Variants in PCCA observed in about 807,000 individuals in gnomAD.
PCCA encodes propionyl-CoA carboxylase alpha chain, mitochondrial.
In PCCA, 74 loss-of-function variants were observed where a neutral mutation model predicts 101.3. The ratio of observed to expected loss-of-function variants is 0.73; its 90% confidence interval spans 0.61 to 0.89. The LOEUF (loss-of-function observed/expected upper bound fraction) is 0.89. Ranked by LOEUF, PCCA falls within the 40% of genes least tolerant of loss-of-function variation. PCCA has a pLI of 0.00. For missense variants in PCCA, 891 were observed against 907.0 expected, an observed-to-expected ratio of 0.98 and a Z score of 0.23; for synonymous variants, 294 against 313.6, an observed-to-expected ratio of 0.94 and a Z score of 0.66.
At chr13:100,507,731 C>A (rs1163267797) in intron 21 of PCCA, among the ~76,000 whole-genome samples, 2 of 152,010 alleles carry the variant, frequency 1.3e-5, no homozygotes, top group East Asian at 3.9e-4. Context: ...ATCTCGGCTC[C>A]CTGCAACCTC....
chr13:100,406,357 T>C (rs1170007829), intron 19 of PCCA, among the ~76,000 whole-genome samples: 3 of 152,192 alleles, frequency 2.0e-5, no homozygotes, highest in African/African-American at 7.2e-5. Flanking sequence ...ACAAACATGC[T>C]CCAAACCTTC....
At chr13:100,479,799 TA>T (rs1396342369) in intron 21 of PCCA, 1 of 137,748 alleles carries the variant, frequency 7.3e-6, no homozygotes, top group Admixed American at 6.9e-5. Context: ...GGAAATGGCC[TA>T]CTCTAAGTCC....
chr13:100,484,598 C>A (rs1249896704), intron 21 of PCCA, among the ~76,000 whole-genome samples: 2 of 152,072 alleles, frequency 1.3e-5, no homozygotes, highest in Non-Finnish European at 2.9e-5. Flanking sequence ...TCTTTTTTCC[C>A]CCCTGTAGAT....
In PCCA at chr13:100,530,321, A is replaced by G. The variant is rs2088314188; in HGVS notation, c.*155A>G. The stretch of plus-strand genomic sequence containing the variant: ...AGAGTCAAGACCAATATTCTGCCAA[A>G]AAATCACCAATGGAAATTTTCATTG... On this transcript the variant is annotated 3_prime_UTR_variant, in exon 24 of 24. Coordinates refer to ENST00000376285, the MANE Select transcript of PCCA (RefSeq NM_000282.4). The G allele has an allele frequency of 2.9e-6, 2 of 694,208 alleles. No individual in the cohort carries two copies. The highest frequency in any genetic ancestry group is 2.6e-6 in the Non-Finnish European group (1 of 380,974). 43.0% of individuals were successfully genotyped at this position (694,208 alleles called of 1,614,324 possible).
intron 19 of PCCA, among the ~76,000 whole-genome samples, chr13:100,391,023 C>CTT (rs796230963): frequency 2.1e-5 from 3 of 144,616 alleles, no homozygotes; most frequent in African/African-American, 5.0e-5. Flanking sequence ...GGCCTCTGTG[C>CTT]TTTTTTTTTT....
chr13:100,113,071 A>T (rs1739427439), intron 4 of PCCA, among the ~76,000 whole-genome samples: 1 of 152,176 alleles, frequency 6.6e-6, no homozygotes, highest in Non-Finnish European at 1.5e-5. Context: ...AATGACAGGG[A>T]TATGTTCTGA....
intron 19 of PCCA, among the ~76,000 whole-genome samples, chr13:100,418,753 G>A (rs1363478552): frequency 3.3e-5 from 5 of 151,670 alleles, no homozygotes; most frequent in Non-Finnish European, 5.9e-5. Context: ...AGAATCATTG[G>A]AACCCAGGCA....
intron 6 of PCCA, among the ~76,000 whole-genome samples, chr13:100,206,892 C>T (rs4772272): frequency 0.32 from 48,375 of 151,974 alleles, 8,551 homozygotes; most frequent in East Asian, 0.71. Flanking sequence ...GAGAAAAGGA[C>T]GCAGAGTAAT....
chr13:100,232,351 CGTGTGTGTGTGTGTGT>C (rs375554722), intron 7 of PCCA, among the ~76,000 whole-genome samples: 5 of 131,178 alleles, frequency 3.8e-5, no homozygotes, highest in African/African-American at 1.4e-4. Context: ...TGTGTGTATG[CGTGTGTGTGTGTGTGT>C]GTGTGTGTGT....
chr13:100,232,048 A>G lies in PCCA; in HGVS notation c.601-3794A>G, dbSNP rs529967866. Among the ~76,000 whole-genome samples the G allele has an allele frequency of 7.2e-5, 11 of 152,158 alleles. No homozygotes were observed. The South Asian group carries it at 2.1e-3, about 29-fold the overall frequency. On this transcript the variant is annotated intron_variant, in intron 7 of 23. Coordinates refer to ENST00000376285, the MANE Select transcript of PCCA (RefSeq NM_000282.4). ...ATTTTGCTTATTTTTACAGTGTAAG[A>G]GTTACTCTCTTAAAGCTTAATTGTC...
intron 8 of PCCA, among the ~76,000 whole-genome samples, chr13:100,252,415 T>C (rs943845350): frequency 1.3e-5 from 2 of 152,222 alleles, no homozygotes; most frequent in Non-Finnish European, 2.9e-5. Context: ...AGAAATACTT[T>C]TCTTTTCCCT....
At chr13:100,110,534 T>G (rs1316995330) in intron 2 of PCCA, among the ~76,000 whole-genome samples, 1 of 152,212 alleles carries the variant, frequency 6.6e-6, no homozygotes, top group African/African-American at 2.4e-5. Context: ...CTCTACTGTT[T>G]GGTCTCAGCT....
Position 100,515,407 on chromosome 13 carries a change from G to A in PCCA, c.1900-20G>A. On this transcript the variant is annotated intron_variant, in intron 21 of 23. Coordinates refer to ENST00000376285, the MANE Select transcript of PCCA (RefSeq NM_000282.4). ...TTTCATTTAAACTCATTTATGGTTT[G>A]GTTTTGTTTTTCCCTTAAGTACAAG... is the stretch of plus-strand genomic sequence containing the variant. 1 of 1,610,782 alleles carries A rather than the reference G, an allele frequency of 6.2e-7. No homozygotes were observed. The highest frequency in any genetic ancestry group is 8.5e-7 in the Non-Finnish European group (1 of 1,177,032).
Position 100,166,991 on chromosome 13 carries a change from T to C in PCCA, c.468+9651T>C, listed in dbSNP as rs183782008. ...TGTCTGATGATTAATAATGTTGAGC[T>C]CATTTGCTTTATATCTTTGTCGATG... On this transcript the variant is annotated intron_variant, in intron 6 of 23. Coordinates refer to ENST00000376285, the MANE Select transcript of PCCA (RefSeq NM_000282.4). 2.6e-5 allele frequency among the ~76,000 whole-genome samples: 4 copies of C among 152,332 alleles called. No individual in the cohort carries two copies. The East Asian group carries it at 7.7e-4, about 29-fold the overall frequency.
At chr13:100,382,015 A>G (rs2076255598) in intron 19 of PCCA, among the ~76,000 whole-genome samples, 2 of 152,204 alleles carry the variant, frequency 1.3e-5, no homozygotes, top group African/African-American at 2.4e-5. Context: ...TGCTCTCCAC[A>G]GGCGGCTTAA....
At position 100,428,939 on chromosome 13, in the gene PCCA, G is replaced by C. The variant is rs146644958; in HGVS notation, c.1845+3208G>C. On this transcript the variant is annotated intron_variant, in intron 20 of 23. Coordinates refer to ENST00000376285, the MANE Select transcript of PCCA (RefSeq NM_000282.4). ...CCGTGGAAGAGCTTTCAGTAAGGAA[G>C]TGATGATTGAACAGAATTGTAGCTT... 2.4e-3 allele frequency among the ~76,000 whole-genome samples: 371 copies of C among 152,318 alleles called. 2 individuals are homozygous for C. The highest frequency in any genetic ancestry group is 8.2e-3 in the African/African-American group (339 of 41,566).
At chr13:100,455,388 T>C (rs1470479463) in intron 21 of PCCA, among the ~76,000 whole-genome samples, 1 of 152,240 alleles carries the variant, frequency 6.6e-6, no homozygotes, top group East Asian at 1.9e-4. Context: ...CTTTTCTTTA[T>C]AATTTTCCCA....
chr13:100,223,099 C>T (rs1174924342), intron 7 of PCCA, among the ~76,000 whole-genome samples: 6 of 151,808 alleles, frequency 4.0e-5, no homozygotes, highest in African/African-American at 1.2e-4. Flanking sequence ...ATCTCAGGAA[C>T]TGGAGAGCAG....
chr13:100,420,003 G>C (rs920011305), intron 19 of PCCA, among the ~76,000 whole-genome samples: 3 of 152,096 alleles, frequency 2.0e-5, no homozygotes, highest in Non-Finnish European at 4.4e-5. Context: ...AGAGTTTTTT[G>C]CATAATTTAA....
Sources: allele counts gnomAD v4.1 joint callset (sites outside exome capture counted in the v4.1 genomes callset), GRCh38; gene constraint gnomAD v4.1.1; transcripts MANE v1.5; gene names NCBI Gene and HGNC (gene_info 2026-07-23, HGNC 2026-07-21).